TSPAN7: variants seen among roughly 807,000 people sequenced by gnomAD.
The protein encoded by TSPAN7 is tetraspanin 7, also known as tetraspanin-7.
TSPAN7 carries 1 observed loss-of-function variant against 17.6 expected under a neutral mutation model. The observed-to-expected ratio is 0.06, with a 90% CI of 0.02 to 0.27. TSPAN7 has a LOEUF of 0.27. Ranked by LOEUF, TSPAN7 falls within the 10% of genes least tolerant of loss-of-function variation. TSPAN7 has a pLI of 1.00. For missense variants in TSPAN7, 112 were observed against 201.7 expected (o/e 0.56, Z 2.69); for synonymous variants, 78 against 79.0 (o/e 0.99, Z 0.07).
intron 1 of TSPAN7, among the ~76,000 whole-genome samples, chrX:38,580,578 C>T (rs980810848): frequency 1.5e-4 from 17 of 111,957 alleles, no homozygotes; most frequent in African/African-American, 4.5e-4. Flanking sequence ...GTAACCACTG[C>T]ATGCAGTTAA....
chrX:38,664,827 G>A (rs901549608), intron 1 of TSPAN7, among the ~76,000 whole-genome samples: 8 of 111,924 alleles, frequency 7.1e-5, no homozygotes, highest in Non-Finnish European at 1.3e-4. Flanking sequence ...CCCCATACAG[G>A]TAAAGCTCAC....
intron 5 of TSPAN7, 70 bp downstream of exon 5, chrX:38,675,930 A>T: frequency 9.2e-7 from 1 of 1,092,742 alleles, no homozygotes; most frequent in South Asian, 1.9e-5. Context: ...ATTTCCATGA[A>T]ATTATGACAA....
At chrX:38,607,859 G>A (rs1210691601) in intron 1 of TSPAN7, among the ~76,000 whole-genome samples, 6 of 96,322 alleles carry the variant, frequency 6.2e-5, no homozygotes, top group African/African-American at 2.5e-4. Context: ...TTTTAGCCTT[G>A]AGGAAAAAAA....
Position 38,670,220 on chromosome X carries a change from G to A in TSPAN7, c.271-1156G>A, listed in dbSNP as rs755899962. ...ACATGCAATCTATCCAAATTCCACAGCATTGTTTAGGGCCATTGCAAATGT... is the reference window on the plus strand; with the variant it reads ...ACATGCAATCTATCCAAATTCCACAACATTGTTTAGGGCCATTGCAAATGT... On this transcript the variant is annotated intron_variant, in intron 2 of 7. Transcript: ENST00000378482. Among the ~76,000 whole-genome samples, 6 of 111,613 alleles carry A rather than the reference G, an allele frequency of 5.4e-5. No individual in the cohort carries two copies. In the South Asian group the frequency reaches 1.9e-3, roughly 35 times the overall value.
intron 1 of TSPAN7, among the ~76,000 whole-genome samples, chrX:38,595,229 C>A (rs192551150): frequency 9.0e-6 from 1 of 111,264 alleles, no homozygotes; most frequent in African/African-American, 3.3e-5. Flanking sequence ...CTTTTCTTTG[C>A]ATTTCTTTTC....
At chrX:38,654,778 G>A (rs1467215908) in intron 1 of TSPAN7, among the ~76,000 whole-genome samples, 2 of 112,339 alleles carry the variant, frequency 1.8e-5, no homozygotes, top group African/African-American at 6.5e-5. Context: ...ATTCATTTTG[G>A]TAGACAGACA....
chrX:38,659,440 G>C (rs1164373235), intron 1 of TSPAN7, among the ~76,000 whole-genome samples: 2 of 111,706 alleles, frequency 1.8e-5, no homozygotes, highest in Non-Finnish European at 3.8e-5. Context: ...GCGTGACTGA[G>C]TGTGTCAAGT....
chrX:38,682,145 A>G (rs2069896909), intron 6 of TSPAN7, among the ~76,000 whole-genome samples: 1 of 112,137 alleles, frequency 8.9e-6, no homozygotes, highest in Non-Finnish European at 1.9e-5. Context: ...AGCTCGATTA[A>G]TGTTGTCTGA....
At chrX:38,572,729 C>A (rs759394899) in intron 1 of TSPAN7, among the ~76,000 whole-genome samples, 10 of 111,167 alleles carry the variant, frequency 9.0e-5, no homozygotes, top group Non-Finnish European at 1.5e-4. Context: ...GAAAAGGAAC[C>A]CAAAGCTTGA....
chrX:38,563,893 AT>A (rs1311624720), intron 1 of TSPAN7, among the ~76,000 whole-genome samples: 1 of 112,027 alleles, frequency 8.9e-6, no homozygotes, highest in Non-Finnish European at 1.9e-5. Context: ...ACAAGACGTT[AT>A]TTTTAAGTAG....
chrX:38,584,091 C>A (rs1194923173), intron 1 of TSPAN7, among the ~76,000 whole-genome samples: 1 of 107,091 alleles, frequency 9.3e-6, no homozygotes, highest in East Asian at 2.9e-4. Flanking sequence ...GTAGCTGGGA[C>A]TACAGGCGCC....
intron 1 of TSPAN7, among the ~76,000 whole-genome samples, chrX:38,645,503 G>A (rs1023101701): frequency 1.4e-4 from 16 of 110,534 alleles, no homozygotes; most frequent in African/African-American, 4.3e-4. Context: ...AAAATAGCAA[G>A]ACTCCCGTCT....
At chrX:38,687,488 A>G in intron 6 of TSPAN7, 111 bp from the exon 7 acceptor site, 4 of 671,023 alleles carry the variant, frequency 6.0e-6, no homozygotes, top group Non-Finnish European at 9.0e-6. Flanking sequence ...AGTGATACGC[A>G]TATGTCAAAA....
intron 1 of TSPAN7, among the ~76,000 whole-genome samples, chrX:38,590,871 A>G (rs1436231408): frequency 1.8e-5 from 2 of 111,956 alleles, no homozygotes; most frequent in African/African-American, 6.5e-5. Context: ...TAGAAGCTGT[A>G]GTGTTGTTAC....
intron 1 of TSPAN7, chrX:38,562,949 A>G (rs1390084273): frequency 1.0e-6 from 1 of 959,544 alleles, no homozygotes; most frequent in African/African-American, 2.0e-5. Context: ...CCACCACCAT[A>G]TATTAGCCCT....
chrX:38,580,841 C>T (rs1005173751), intron 1 of TSPAN7, among the ~76,000 whole-genome samples: 1 of 111,459 alleles, frequency 9.0e-6, no homozygotes, highest in Non-Finnish European at 1.9e-5. Context: ...GCCCAGTGCA[C>T]GATTCCAGGA....
intron 1 of TSPAN7, among the ~76,000 whole-genome samples, chrX:38,630,920 T>C (rs957884521): frequency 7.1e-5 from 8 of 112,284 alleles, no homozygotes; most frequent in African/African-American, 2.6e-4. Flanking sequence ...AAATCTTGAA[T>C]ACTAACCTTT....
chrX:38,614,313 T>C (rs2069440770), intron 1 of TSPAN7, among the ~76,000 whole-genome samples: 1 of 111,892 alleles, frequency 8.9e-6, no homozygotes, highest in Admixed American at 9.5e-5. Context: ...GTTCTTTTCA[T>C]GTGTAGAGAT....
chrX:38,620,726 C>G (rs1054934134), intron 1 of TSPAN7, among the ~76,000 whole-genome samples: 2 of 111,567 alleles, frequency 1.8e-5, no homozygotes, highest in African/African-American at 6.5e-5. Flanking sequence ...AGAGAAGAAC[C>G]CACCATCAGG....
Sources: allele counts gnomAD v4.1 joint callset (sites outside exome capture counted in the v4.1 genomes callset), GRCh38; gene constraint gnomAD v4.1.1; transcripts MANE v1.5; gene names NCBI Gene and HGNC (gene_info 2026-07-23, HGNC 2026-07-21).